SLC25A20: variants seen among roughly 807,000 people sequenced by gnomAD.
The protein encoded by SLC25A20 is solute carrier family 25 member 20.
A neutral mutation model predicts 39.7 loss-of-function variants in SLC25A20; 29 were observed. That is an observed-to-expected ratio of 0.73 (90% CI 0.54 to 1.00). The LOEUF (loss-of-function observed/expected upper bound fraction) is 1.00, where lower values mean the gene tolerates loss of function less well. SLC25A20 is among the 50% of genes least tolerant of loss of function. The pLI is 0.00. For missense variants in SLC25A20, 333 were observed against 379.9 expected (o/e 0.88, Z 1.03); for synonymous variants, 103 against 142.2 (o/e 0.72, Z 1.96).
intron 3 of SLC25A20, among the ~76,000 whole-genome samples, chr3:48,880,309 G>A (rs1205417499): frequency 6.6e-6 from 1 of 151,568 alleles, no homozygotes; most frequent in African/African-American, 2.4e-5. Flanking sequence ...TTTGAGACAC[G>A]GTCTCACTCT....
intron 2 of SLC25A20, among the ~76,000 whole-genome samples, chr3:48,890,342 A>G (rs2083863694): frequency 6.6e-6 from 1 of 151,538 alleles, no homozygotes; most frequent in Admixed American, 6.6e-5. Flanking sequence ...GCCCACCTCC[A>G]TGCCCAGCTA....
intron 4 of SLC25A20, among the ~76,000 whole-genome samples, chr3:48,869,324 C>A (rs1287345139): frequency 6.6e-6 from 1 of 152,092 alleles, no homozygotes; most frequent in Non-Finnish European, 1.5e-5. Flanking sequence ...TGATAAAAAT[C>A]CTTCAATGAG....
chr3:48,884,100 T>A lies in SLC25A20; in HGVS notation c.223A>T (p.Met75Leu). 1 of 1,613,534 alleles carries A rather than the reference T, an allele frequency of 6.2e-7. No homozygotes were observed. The highest frequency in any genetic ancestry group is 8.5e-7 in the Non-Finnish European group (1 of 1,179,634). ...GTGACCCCGATGATAGGGGCAGCCA[T>A]TCCCCGATATAGCCCCGTGATGCCC... ...REGITGLYRG[M>L]AAPIIGVTPM... is the part of the protein sequence containing the mutation. Residue 75 changes from methionine to leucine, a missense_variant, in exon 3 of 9, where the codon ATG becomes TTG. Met to Leu is a conservative substitution (Grantham distance 15). Coordinates refer to ENST00000319017, the MANE Select transcript of SLC25A20 (RefSeq NM_000387.6).
chr3:48,897,066 T>G (rs1216470288), intron 1 of SLC25A20, among the ~76,000 whole-genome samples: 1 of 143,316 alleles, frequency 7.0e-6, no homozygotes, highest in African/African-American at 2.5e-5. Context: ...TTCTTTTTTT[T>G]CTTCTTCTCC....
intron 2 of SLC25A20, among the ~76,000 whole-genome samples, 157 bp from the exon 3 acceptor site, chr3:48,884,281 G>A (rs1224274195): frequency 6.6e-6 from 1 of 152,160 alleles, no homozygotes; most frequent in Non-Finnish European, 1.5e-5. Context: ...ACATTTATCA[G>A]AAATAATTTT....
intron 1 of SLC25A20, among the ~76,000 whole-genome samples, chr3:48,893,617 T>G (rs2106667275): frequency 6.6e-6 from 1 of 152,050 alleles, no homozygotes; most frequent in South Asian, 2.1e-4. Flanking sequence ...CACTGCCACT[T>G]TCGCCTCCCA....
chr3:48,890,777 C>T (rs1167557595), intron 2 of SLC25A20, among the ~76,000 whole-genome samples: 1 of 151,348 alleles, frequency 6.6e-6, no homozygotes, highest in Non-Finnish European at 1.5e-5. Flanking sequence ...GCCTCAGCCT[C>T]CCGAGTAGCT....
chr3:48,859,452 T>C (rs1006468062), intron 6 of SLC25A20, 103 bp downstream of exon 6: 1 of 1,016,478 alleles, frequency 9.8e-7, no homozygotes, highest in African/African-American at 1.6e-5. Flanking sequence ...AAAGCAGACA[T>C]GGAGCCAGGA....
Position 48,883,656 on chromosome 3 carries a change from C to T in SLC25A20, c.326+341G>A, listed in dbSNP as rs372142593. ...TTTTTTTTGAGATGGAGTCTTGCTC[C>T]GTTGCTCAGGTTGGAGTGCAGTGGT... On this transcript the variant is annotated intron_variant, in intron 3 of 8. Transcript: ENST00000319017. Among the ~76,000 whole-genome samples the T allele has an allele frequency of 9.9e-5, 14 of 142,128 alleles. No individual in the cohort carries two copies. In the East Asian group the frequency reaches 2.0e-3, roughly 21 times the overall value. The allele number at this position is 142,128 out of a possible 152,430, so 93.2% of individuals were successfully genotyped here. A position where few individuals can be genotyped will look rare whatever the true frequency, so the allele number is the denominator to read the frequency against.
intron 1 of SLC25A20, among the ~76,000 whole-genome samples, chr3:48,893,560 G>T (rs1021215388): frequency 2.4e-4 from 36 of 151,988 alleles, no homozygotes; most frequent in Admixed American, 2.4e-3. Flanking sequence ...TTGAGACAGG[G>T]TCTCACTGTC....
At chr3:48,876,932 T>C (rs1157767383) in intron 4 of SLC25A20, among the ~76,000 whole-genome samples, 1 of 150,264 alleles carries the variant, frequency 6.7e-6, no homozygotes, top group African/African-American at 2.4e-5. Context: ...CCTGTCTCCA[T>C]TAAAAATACA....
intron 4 of SLC25A20, among the ~76,000 whole-genome samples, chr3:48,875,635 G>A (rs2083750350): frequency 6.6e-6 from 1 of 152,126 alleles, no homozygotes; most frequent in Non-Finnish European, 1.5e-5. Flanking sequence ...GTCTCAAACT[G>A]CTGACCTCAG....
In SLC25A20 at chr3:48,898,785, G is replaced by C. The variant is rs756998699; in HGVS notation, c.10C>G (p.Gln4Glu). 3.8e-6 allele frequency: 6 copies of C among 1,573,378 alleles called. 1 individual carries two copies. In the South Asian group the frequency reaches 7.0e-5, roughly 18 times the overall value. Residue 4 changes from glutamine to glutamate, a missense_variant, in exon 1 of 9, where the codon CAG becomes GAG. By Grantham distance (29) the Gln-to-Glu change is conservative. Transcript: ENST00000319017. MADQPKPISPLKNL... is the reference protein window; with the variant it reads MADEPKPISPLKNL... ...TTGAGCGGGCTGATGGGTTTTGGCT[G>C]GTCGGCCATGGTCAGTCCGTCTGTC...
Position 48,879,412 on chromosome 3 carries a change from G to C in SLC25A20, c.363C>G (p.Gly121=). The stretch of plus-strand genomic sequence containing the variant: ...GAGTCATGATTCCTGTGGTGAATAC[G>C]CCAGATAACATCCCAGCTGCAAAAA... ...PQLFAAGMLS[G]VFTTGIMTPG... is the part of the protein sequence containing the mutation. Residue 121 remains glycine (G), a synonymous_variant, in exon 4 of 9, where the codon GGC becomes GGG. Coordinates refer to ENST00000319017, the MANE Select transcript of SLC25A20 (RefSeq NM_000387.6). 6.2e-7 allele frequency: 1 copy of C among 1,613,858 alleles called. No individual in the cohort carries two copies. The highest frequency in any genetic ancestry group is 8.5e-7 in the Non-Finnish European group (1 of 1,179,866).
intron 4 of SLC25A20, among the ~76,000 whole-genome samples, chr3:48,878,273 A>AT (rs1553685979): frequency 3.7e-4 from 47 of 127,650 alleles, no homozygotes; most frequent in Non-Finnish European, 5.6e-4. Context: ...AAAAAAAAAA[A>AT]ATATATATAT....
At chr3:48,896,683 T>A (rs2083912017) in intron 1 of SLC25A20, among the ~76,000 whole-genome samples, 1 of 151,736 alleles carries the variant, frequency 6.6e-6, no homozygotes, top group African/African-American at 2.4e-5. Flanking sequence ...GCCAATTTTT[T>A]TTTTTTGTAT....
In SLC25A20 at chr3:48,857,737, GAACTTCATGGC is replaced by G; in HGVS notation, c.868_878del (p.Ala290ProfsTer2). ...ACAAGTTGGGGGTGGCCCAATTAAG[GAACTTCATGGC>G]AACTTCAAAGCCAAGGAAACAGGCC... On this transcript the variant is annotated frameshift_variant, in exon 9 of 9. Coordinates refer to ENST00000319017, the MANE Select transcript of SLC25A20 (RefSeq NM_000387.6). LOFTEE classifies it high-confidence loss of function. The G allele has an allele frequency of 6.2e-7, 1 of 1,613,898 alleles. No individual in the cohort carries two copies. Among genetic ancestry groups the G allele is most frequent in the Non-Finnish European group, 8.5e-7 (1 of 1,179,994 alleles).
In SLC25A20 at chr3:48,859,072, C is replaced by A; in HGVS notation, c.718+20G>T. The A allele has an allele frequency of 6.2e-7, 1 of 1,602,502 alleles. No individual in the cohort carries two copies. The highest frequency in any genetic ancestry group is 8.5e-7 in the Non-Finnish European group (1 of 1,170,018). On this transcript the variant is annotated intron_variant, in intron 7 of 8. Coordinates refer to ENST00000319017, the MANE Select transcript of SLC25A20 (RefSeq NM_000387.6). The stretch of plus-strand genomic sequence containing the variant: ...TGGGGACCCACTCTCCCCCTGTCCA[C>A]CCCACTACCTTCCACTCACCAGTCT...
intron 8 of SLC25A20, among the ~76,000 whole-genome samples, chr3:48,858,261 C>A (rs2083595605): frequency 6.6e-6 from 1 of 151,954 alleles, no homozygotes; most frequent in African/African-American, 2.4e-5. Context: ...AGCCACCATG[C>A]CTGGCCTCAC....
Sources: allele counts gnomAD v4.1 joint callset (sites outside exome capture counted in the v4.1 genomes callset), GRCh38; gene constraint gnomAD v4.1.1; transcripts MANE v1.5; gene names NCBI Gene and HGNC (gene_info 2026-07-23, HGNC 2026-07-21).